MAP2K6: variants seen among roughly 807,000 people sequenced by gnomAD.
MAP2K6 encodes dual specificity mitogen-activated protein kinase kinase 6.
In MAP2K6, 16 loss-of-function variants were observed where a neutral mutation model predicts 53.7. The ratio of observed to expected loss-of-function variants is 0.30; its 90% CI spans 0.20 to 0.45. The LOEUF is 0.45. Among genes scored for constraint, MAP2K6 ranks in the 20% least tolerant of loss-of-function variants. The pLI is 1.00. For missense variants in MAP2K6, 204 were observed against 411.9 expected (o/e 0.50, Z 4.37); for synonymous variants, 132 against 143.1 (o/e 0.92, Z 0.55).
At chr17:69,474,134 A>C (rs2145183949) in intron 1 of MAP2K6, among the ~76,000 whole-genome samples, 1 of 152,332 alleles carries the variant, frequency 6.6e-6, no homozygotes, top group African/African-American at 2.4e-5. Context: ...CCGTATGGGC[A>C]AGGGCTACAT....
At chr17:69,514,833 A>T (rs1002615388) in intron 2 of MAP2K6, among the ~76,000 whole-genome samples, 6 of 152,186 alleles carry the variant, frequency 3.9e-5, no homozygotes, top group Admixed American at 3.3e-4. Context: ...AAGTGCTGGG[A>T]TTACAGGCGT....
intron 2 of MAP2K6, among the ~76,000 whole-genome samples, chr17:69,512,936 T>C (rs1909938429): frequency 6.6e-6 from 1 of 152,170 alleles, no homozygotes; most frequent in South Asian, 2.1e-4. Flanking sequence ...CCGAAGCTGG[T>C]TGTTCATATA....
intron 1 of MAP2K6, among the ~76,000 whole-genome samples, chr17:69,498,867 G>A (rs1255317480): frequency 2.0e-5 from 3 of 152,138 alleles, no homozygotes; most frequent in Non-Finnish European, 4.4e-5. Flanking sequence ...TGTCTGCATG[G>A]TCTGTTTAAA....
intron 2 of MAP2K6, among the ~76,000 whole-genome samples, chr17:69,512,853 A>G (rs1033715872): frequency 6.6e-6 from 1 of 152,176 alleles, no homozygotes; most frequent in African/African-American, 2.4e-5. Context: ...TGAATCAATG[A>G]ATAGTGATTG....
At chr17:69,522,890 CAAAAAAA>C (rs34231223) in intron 7 of MAP2K6, among the ~76,000 whole-genome samples, 3 of 98,902 alleles carry the variant, frequency 3.0e-5, no homozygotes, top group African/African-American at 7.2e-5. Flanking sequence ...TCCTGTCTGT[CAAAAAAA>C]AAAAAAAAAA....
intron 1 of MAP2K6, among the ~76,000 whole-genome samples, chr17:69,416,274 A>C (rs1181572907): frequency 2.6e-5 from 4 of 152,142 alleles, no homozygotes; most frequent in African/African-American, 4.8e-5. Flanking sequence ...CCAAGAAGGA[A>C]GTAGTAATCT....
At chr17:69,449,527 C>T (rs1378015585) in intron 1 of MAP2K6, among the ~76,000 whole-genome samples, 2 of 108,974 alleles carry the variant, frequency 1.8e-5, no homozygotes, top group African/African-American at 3.6e-5. Context: ...GTCTTTCTTT[C>T]TTTGTCTTTC....
chr17:69,495,915 G>A (rs1195533441), intron 1 of MAP2K6, among the ~76,000 whole-genome samples: 1 of 151,932 alleles, frequency 6.6e-6, no homozygotes, highest in Non-Finnish European at 1.5e-5. Flanking sequence ...CATAAATGAG[G>A]AAGGAGATGA....
intron 1 of MAP2K6, among the ~76,000 whole-genome samples, chr17:69,483,414 A>C (rs893018205): frequency 1.3e-5 from 2 of 152,132 alleles, no homozygotes; most frequent in Admixed American, 1.3e-4. Flanking sequence ...TGCAAATCTT[A>C]TACTCTGAAA....
intron 1 of MAP2K6, among the ~76,000 whole-genome samples, chr17:69,452,898 T>C (rs1380367162): frequency 6.6e-6 from 1 of 152,220 alleles, no homozygotes; most frequent in Non-Finnish European, 1.5e-5. Context: ...CGTCTTAACA[T>C]TGGCATATTC....
chr17:69,465,063 C>A (rs973441830), intron 1 of MAP2K6, among the ~76,000 whole-genome samples: 1 of 151,682 alleles, frequency 6.6e-6, no homozygotes, highest in South Asian at 2.1e-4. Context: ...TTTTTACAGA[C>A]CCCCACAGAG....
At position 69,548,878 on chromosome 17, in the gene MAP2K6, T is replaced by G. The variant is rs533785685; in HGVS notation, c.*7125T>G. The G allele has an allele frequency of 1.3e-5, 2 of 152,208 alleles. No individual in the cohort carries two copies. Among genetic ancestry groups the G allele is most frequent in the Non-Finnish European group, 2.9e-5 (2 of 68,014 alleles). The allele number at this position is 152,208 out of a possible 1,614,324, so 9.4% of individuals were successfully genotyped here. On this transcript the variant is annotated 3_prime_UTR_variant, in exon 12 of 12. Coordinates refer to ENST00000590474, the MANE Select transcript of MAP2K6 (RefSeq NM_002758.4). The stretch of plus-strand genomic sequence containing the variant: ...AATCTTTTCAGTTTCTGACCCAGAT[T>G]TCTTTTTCAAGCAAAACTCCTCTGA...
Position 69,416,918 on chromosome 17 carries a change from CTCCCTCTTAGTAGAGCCAGTTTTTGAGT to C in MAP2K6, c.16+1920_16+1947del, listed in dbSNP as rs1422616558. On this transcript the variant is annotated intron_variant, in intron 1 of 11. Coordinates refer to ENST00000590474, the MANE Select transcript of MAP2K6 (RefSeq NM_002758.4). ...ATTTTTGGGCTCACTATGAACGTGG[CTCCCTCTTAGTAGAGCCAGTTTTTGAGT>C]TGAGAAGCCAAAGGAGATATTAGCA... is the stretch of plus-strand genomic sequence containing the variant. Among the ~76,000 whole-genome samples the C allele has an allele frequency of 5.9e-5, 9 of 152,280 alleles. No individual in the cohort carries two copies. The East Asian group carries it at 1.7e-3, about 29-fold the overall frequency.
intron 2 of MAP2K6, among the ~76,000 whole-genome samples, chr17:69,515,997 T>G (rs1448232021): frequency 6.6e-6 from 1 of 152,204 alleles, no homozygotes; most frequent in East Asian, 1.9e-4. Flanking sequence ...TGTAGCACAA[T>G]GACCTATATC....
intron 1 of MAP2K6, chr17:69,434,040 G>T (rs147387712): frequency 6.6e-6 from 1 of 152,166 alleles, no homozygotes; most frequent in Non-Finnish European, 1.5e-5. Flanking sequence ...ACTCAACTAT[G>T]CATCTATGTC....
rs77579364 is a variant in MAP2K6, at chr17:69,534,552, TTCTC to T, written c.882-1555_882-1552del. Among the ~76,000 whole-genome samples, 347 of 134,540 alleles carry T rather than the reference TTCTC, an allele frequency of 2.6e-3. 3 individuals are homozygous for T. Among genetic ancestry groups the T allele is most frequent in the East Asian group, 0.011 (39 of 3,586 alleles). 88.3% of individuals were successfully genotyped at this position (134,540 alleles called of 152,430 possible). ...TTTAAGTTGTTTTGGTTCAAAAACT[TTCTC>T]TCTCTCTTTTTTTTTTTTTTAATTT... On this transcript the variant is annotated intron_variant, in intron 10 of 11. Coordinates refer to ENST00000590474, the MANE Select transcript of MAP2K6 (RefSeq NM_002758.4).
At chr17:69,541,590 T>A in intron 11 of MAP2K6, 86 bp from the exon 12 acceptor site, 1 of 1,032,390 alleles carries the variant, frequency 9.7e-7, no homozygotes, top group South Asian at 1.4e-5. Flanking sequence ...TTAATCCCTG[T>A]ACCAAGCAGA....
At chr17:69,496,431 C>T (rs767227089) in intron 1 of MAP2K6, among the ~76,000 whole-genome samples, 12 of 152,130 alleles carry the variant, frequency 7.9e-5, no homozygotes, top group Non-Finnish European at 1.5e-4. Flanking sequence ...GCCCCACACC[C>T]GGCTAATTTT....
chr17:69,503,655 A>T (rs1184613600), intron 1 of MAP2K6, among the ~76,000 whole-genome samples: 2 of 152,160 alleles, frequency 1.3e-5, no homozygotes, highest in Non-Finnish European at 2.9e-5. Flanking sequence ...GAAAAATTTC[A>T]TTATACATTA....
Sources: allele counts gnomAD v4.1 joint callset (sites outside exome capture counted in the v4.1 genomes callset), GRCh38; gene constraint gnomAD v4.1.1; transcripts MANE v1.5; gene names NCBI Gene and HGNC (gene_info 2026-07-23, HGNC 2026-07-21).